CDC42SE2: variants seen among roughly 807,000 people sequenced by gnomAD.
CDC42SE2 encodes the protein CDC42 small effector protein 2.
A neutral mutation model predicts 11.5 loss-of-function variants in CDC42SE2; 3 were observed. That is an observed-to-expected ratio of 0.26 (90% CI 0.12 to 0.67). The LOEUF is 0.67. Among genes scored for constraint, CDC42SE2 ranks in the 30% least tolerant of loss-of-function variants. CDC42SE2 has a pLI of 0.80. For synonymous variants in CDC42SE2, 33 were observed against 34.8 expected, an observed-to-expected ratio of 0.95 and a Z score of 0.18; for missense variants, 82 against 106.8, an observed-to-expected ratio of 0.77 and a Z score of 1.02.
the CDC42SE2 span, among the ~76,000 whole-genome samples, chr5:131,238,155 G>T: frequency 2.0e-5 from 3 of 151,102 alleles, no homozygotes; most frequent in African/African-American, 7.3e-5. Flanking sequence ...TGAGGGCAAG[G>T]GGAGGGAGAG....
intron 2 of CDC42SE2, among the ~76,000 whole-genome samples, chr5:131,351,086 A>G (rs1353764865): frequency 6.6e-6 from 1 of 151,864 alleles, no homozygotes; most frequent in East Asian, 1.9e-4. Flanking sequence ...AACTGGGACT[A>G]CAGGTGTGTG....
intron 2 of CDC42SE2, among the ~76,000 whole-genome samples, chr5:131,336,689 T>G (rs1190132414): frequency 6.6e-6 from 1 of 152,196 alleles, no homozygotes; most frequent in East Asian, 1.9e-4. Context: ...CTTTTTTCTC[T>G]AAACTTCTCC....
At chr5:131,289,290 A>T (rs961497544) in intron 1 of CDC42SE2, among the ~76,000 whole-genome samples, 2 of 152,148 alleles carry the variant, frequency 1.3e-5, no homozygotes, top group African/African-American at 4.8e-5. Flanking sequence ...TTTTATTTTT[A>T]ATTCTAAGAA....
intron 3 of CDC42SE2, among the ~76,000 whole-genome samples, chr5:131,362,632 A>C (rs912131448): frequency 2.6e-5 from 4 of 152,148 alleles, no homozygotes; most frequent in African/African-American, 7.2e-5. Flanking sequence ...TGGGAAGAAA[A>C]TAGAATGTAT....
chr5:131,375,706 A>G (rs996924564), intron 3 of CDC42SE2, among the ~76,000 whole-genome samples: 1 of 151,806 alleles, frequency 6.6e-6, no homozygotes, highest in Non-Finnish European at 1.5e-5. Context: ...TGACCTAAGT[A>G]TGAGAATTTG....
At chr5:131,359,587 A>T in intron 3 of CDC42SE2, 40 bp downstream of exon 3, 1 of 1,488,184 alleles carries the variant, frequency 6.7e-7, no homozygotes, top group Non-Finnish European at 9.4e-7. Flanking sequence ...TGGGGTGCTT[A>T]TTAAACTTTC....
chr5:131,316,950 T>C (rs1490120433), intron 2 of CDC42SE2, among the ~76,000 whole-genome samples: 1 of 152,242 alleles, frequency 6.6e-6, no homozygotes, highest in East Asian at 1.9e-4. Context: ...ATGTTCTTTG[T>C]AGCCCCTTAC....
chr5:131,284,349 A>G (rs1223827967), intron 1 of CDC42SE2, among the ~76,000 whole-genome samples: 2 of 152,236 alleles, frequency 1.3e-5, no homozygotes, highest in Non-Finnish European at 2.9e-5. Context: ...ACATCTGCAT[A>G]TATCTTTTAT....
chr5:131,307,019 A>G (rs1055431616), intron 1 of CDC42SE2, among the ~76,000 whole-genome samples: 2 of 151,934 alleles, frequency 1.3e-5, no homozygotes, highest in Non-Finnish European at 2.9e-5. Flanking sequence ...ACATAAGATC[A>G]TGTCATCAGC....
chr5:131,388,778 T>C (rs1473986730), intron 4 of CDC42SE2, among the ~76,000 whole-genome samples: 1 of 151,878 alleles, frequency 6.6e-6, no homozygotes, highest in Non-Finnish European at 1.5e-5. Context: ...AGAAAAATAC[T>C]TTTTTTTTCT....
At chr5:131,241,098 C>T (rs1756537545), upstream of CDC42SE2, among the ~76,000 whole-genome samples, 1 of 152,194 alleles carries the variant, frequency 6.6e-6, no homozygotes, top group African/African-American at 2.4e-5. Flanking sequence ...CCTGCCTCAG[C>T]CTCCTGAGTA....
At chr5:131,284,160 G>A (rs1196754149) in intron 1 of CDC42SE2, among the ~76,000 whole-genome samples, 1 of 152,182 alleles carries the variant, frequency 6.6e-6, no homozygotes, top group African/African-American at 2.4e-5. Context: ...TATCCATGTT[G>A]TGGTATGTAT....
chr5:131,302,078 C>T (rs1757694996), intron 1 of CDC42SE2, among the ~76,000 whole-genome samples: 1 of 152,128 alleles, frequency 6.6e-6, no homozygotes, highest in Admixed American at 6.5e-5. Context: ...GAGATCTTGG[C>T]TCACTGCAAC....
chr5:131,281,600 T>C (rs757744743), intron 1 of CDC42SE2, among the ~76,000 whole-genome samples: 1 of 152,332 alleles, frequency 6.6e-6, no homozygotes, highest in Non-Finnish European at 1.5e-5. Context: ...CTTTTAAGAT[T>C]TATTTTGTGA....
At chr5:131,239,341 A>G in the CDC42SE2 span, among the ~76,000 whole-genome samples, 1 of 151,704 alleles carries the variant, frequency 6.6e-6, no homozygotes, top group Non-Finnish European at 1.5e-5. Context: ...GGAGGCTAAG[A>G]TGGGAGTATC....
intron 3 of CDC42SE2, among the ~76,000 whole-genome samples, chr5:131,364,590 T>C (rs1749801696): frequency 6.6e-6 from 1 of 152,206 alleles, no homozygotes; most frequent in African/African-American, 2.4e-5. Context: ...TTTTTTCTAG[T>C]GGTTTGACTT....
At chr5:131,337,296 C>T (rs1027827866) in intron 2 of CDC42SE2, among the ~76,000 whole-genome samples, 12 of 152,186 alleles carry the variant, frequency 7.9e-5, no homozygotes, top group South Asian at 2.1e-4. Flanking sequence ...ATTATTGAAC[C>T]GCAAATGCTG....
At chr5:131,216,542 A>C in the CDC42SE2 span, among the ~76,000 whole-genome samples, 1 of 151,570 alleles carries the variant, frequency 6.6e-6, no homozygotes, top group Non-Finnish European at 1.5e-5. Context: ...CTATAACTAA[A>C]AGTGTAACTG....
At chr5:131,262,118 A>G (rs1756732958), upstream of CDC42SE2, among the ~76,000 whole-genome samples, 1 of 152,016 alleles carries the variant, frequency 6.6e-6, no homozygotes, top group Non-Finnish European at 1.5e-5. Context: ...TACATTTGTA[A>G]TTCAAAGGGA....
Sources: allele counts gnomAD v4.1 joint callset (sites outside exome capture counted in the v4.1 genomes callset), GRCh38; gene constraint gnomAD v4.1.1; transcripts MANE v1.5; gene names NCBI Gene and HGNC (gene_info 2026-07-23, HGNC 2026-07-21).